The following ZFPM1 variants were observed in gnomAD, a reference collection of about 807,000 sequenced individuals.
ZFPM1 encodes the protein zinc finger protein, FOG family member 1.
ZFPM1 carries 28 observed loss-of-function variants against 46.3 expected under a neutral mutation model. That is an observed-to-expected ratio of 0.60 (90% CI 0.45 to 0.83). ZFPM1 has a LOEUF of 0.83. ZFPM1 is among the 40% of genes least tolerant of loss of function. The probability of loss-of-function intolerance (pLI) is 0.00; values close to 1 mark genes in which losing one functional copy is unlikely to be tolerated. For missense variants in ZFPM1, 1,878 were observed against 1,432.4 expected (o/e 1.31, Z -5.02); for synonymous variants, 957 against 675.9 (o/e 1.42, Z -6.45).
In ZFPM1 at chr16:88,497,900, G is replaced by A. The variant is rs193220618; in HGVS notation, c.268+8747G>A. Among the ~76,000 whole-genome samples, 104 of 152,328 alleles carry A rather than the reference G, an allele frequency of 6.8e-4. No homozygotes were observed. Among genetic ancestry groups the A allele is most frequent in the Middle Eastern group, 3.4e-3 (1 of 294 alleles). ...TACGCAAACCTCAAGGCCTGCTATC[G>A]GGTGGAGGCTGAGGCGGGGGCCCGG... On this transcript the variant is annotated intron_variant, in intron 3 of 9. Coordinates refer to ENST00000319555, the MANE Select transcript of ZFPM1 (RefSeq NM_153813.3). The surrounding 1 kb of genome is among the most constrained non-coding windows in gnomAD (Gnocchi z 5.4).
At position 88,497,277 on chromosome 16, in the gene ZFPM1, C is replaced by G. The variant is rs1195325669; in HGVS notation, c.268+8124C>G. ...TGGACGGCCCCAGCCCCAGCCCCAG[C>G]CCCAGCCCCATTCCAAGGTGTGACA... is the stretch of plus-strand genomic sequence containing the variant. On this transcript the variant is annotated intron_variant, in intron 3 of 9. Transcript: ENST00000319555. This position sits in a 1 kb window ranked among gnomAD's most constrained non-coding sequence, Gnocchi z 5.4. 6.6e-6 allele frequency among the ~76,000 whole-genome samples: 1 copy of G among 152,104 alleles called. No individual in the cohort carries two copies. The highest frequency in any genetic ancestry group is 1.5e-5 in the Non-Finnish European group (1 of 68,008).
Position 88,471,266 on chromosome 16 carries a change from G to A in ZFPM1, c.41-14673G>A, listed in dbSNP as rs1242798541. Among the ~76,000 whole-genome samples, 2 of 152,246 alleles carry A rather than the reference G, an allele frequency of 1.3e-5. No individual in the cohort carries two copies. Among genetic ancestry groups the A allele is most frequent in the East Asian group, 3.9e-4 (2 of 5,192 alleles). On this transcript the variant is annotated intron_variant, in intron 1 of 9. Transcript: ENST00000319555. This position sits in a 1 kb window ranked among gnomAD's most constrained non-coding sequence, Gnocchi z 4.1. ...GCTGACCCTCCAGGGCTGCAGCCAT[G>A]TGTGACCTCCACCCTCGCGAAGGCC...
chr16:88,453,559 GCCCCGCCGCGC>G lies in ZFPM1; in HGVS notation c.-70_-60del, dbSNP rs1156886235. On this transcript the variant is annotated 5_prime_UTR_variant, in exon 1 of 10. An upstream open reading frame in the 5' UTR loses its in-frame stop. Coordinates refer to ENST00000319555, the MANE Select transcript of ZFPM1 (RefSeq NM_153813.3). ...GGCCGGGGGCATGAGCGGCCCCGCG[GCCCCGCCGCGC>G]CCCCGCCGCCCGCCGCCGCCCGCCC... The G allele has an allele frequency of 1.3e-5, 10 of 771,894 alleles. No homozygotes were observed. Among genetic ancestry groups the G allele is most frequent in the Non-Finnish European group, 1.6e-5 (10 of 638,264 alleles). 47.8% of individuals were successfully genotyped at this position (771,894 alleles called of 1,614,324 possible). A position where few individuals can be genotyped will look rare whatever the true frequency, so the allele number is the denominator to read the frequency against.
Position 88,533,860 on chromosome 16 carries a change from G to A in ZFPM1, c.1902G>A (p.Ala634=). 3 of 983,842 alleles carry A rather than the reference G, an allele frequency of 3.0e-6. No individual in the cohort carries two copies. Among genetic ancestry groups the A allele is most frequent in the Non-Finnish European group, 3.6e-6 (3 of 831,238 alleles). 60.9% of individuals were successfully genotyped at this position (983,842 alleles called of 1,614,324 possible). A position where few individuals can be genotyped will look rare whatever the true frequency, so the allele number is the denominator to read the frequency against. The change falls in exon 10 of 10, where the codon GCG becomes GCA. Residue 634 remains alanine, a synonymous_variant. Coordinates refer to ENST00000319555, the MANE Select transcript of ZFPM1 (RefSeq NM_153813.3). The part of the protein sequence containing the change: ...APPGQPAEPD[A]PRSSPGPGAR... ...CCGGCCAGCCCGCCGAACCCGACGC[G>A]CCGCGCTCGTCCCCGGGCCCCGGAG...
intron 1 of ZFPM1, among the ~76,000 whole-genome samples, chr16:88,478,080 C>T (rs369060473): frequency 6.6e-5 from 10 of 152,286 alleles, no homozygotes; most frequent in South Asian, 4.2e-4. Flanking sequence ...TTGGTGGAGC[C>T]GCTCAACCGC....
intron 1 of ZFPM1, among the ~76,000 whole-genome samples, chr16:88,459,162 G>A (rs1339782870): frequency 6.6e-6 from 1 of 152,166 alleles, no homozygotes; most frequent in African/African-American, 2.4e-5. Flanking sequence ...TCCTTCAGAG[G>A]CCCTGTCCAC....
intron 3 of ZFPM1, among the ~76,000 whole-genome samples, chr16:88,510,866 T>C (rs1272163703): frequency 1.3e-5 from 2 of 152,046 alleles, no homozygotes; most frequent in Non-Finnish European, 2.9e-5. Flanking sequence ...GAGGAGTAAC[T>C]TGAGCACAGC....
At chr16:88,526,462 C>A (rs1026065564) in intron 4 of ZFPM1, among the ~76,000 whole-genome samples, 1 of 152,134 alleles carries the variant, frequency 6.6e-6, no homozygotes, top group Non-Finnish European at 1.5e-5. Flanking sequence ...CACAGATACG[C>A]AGACCCGGGT....
At position 88,533,369 on chromosome 16, in the gene ZFPM1, G is replaced by C. The variant is rs1425277087; in HGVS notation, c.1411G>C (p.Glu471Gln). The change falls in exon 10 of 10, where the codon GAG becomes CAG. Residue 471 changes from glutamate to glutamine, a missense_variant. By Grantham distance (29) the Glu-to-Gln change is conservative. Transcript: ENST00000319555. ...CAAGGTGGAGGCGGTGGAGGAGCCG[G>C]AGGCGGCCCCCATCCTGGGCCCCGG... ...SIKVEAVEEP[E>Q]AAPILGPGEP... 18 of 1,529,770 alleles carry C rather than the reference G, an allele frequency of 1.2e-5. No individual in the cohort carries two copies. The highest frequency in any genetic ancestry group is 2.5e-5 in the East Asian group (1 of 39,914). 94.8% of individuals were successfully genotyped at this position (1,529,770 alleles called of 1,614,324 possible).
intron 2 of ZFPM1, among the ~76,000 whole-genome samples, chr16:88,487,464 G>A (rs1909295691): frequency 6.6e-6 from 1 of 152,198 alleles, no homozygotes; most frequent in Admixed American, 6.5e-5. Flanking sequence ...GGATGCGTGG[G>A]GCTGCCCCTG....
At chr16:88,505,898 G>A (rs113013548) in intron 3 of ZFPM1, among the ~76,000 whole-genome samples, 5,422 of 152,150 alleles carry the variant, frequency 0.036, 162 homozygotes, top group Non-Finnish European at 0.053. Flanking sequence ...TTCCAACCAC[G>A]TGCTCACCCC....
chr16:88,460,337 G>T (rs908837190), intron 1 of ZFPM1, among the ~76,000 whole-genome samples: 8 of 152,286 alleles, frequency 5.3e-5, no homozygotes, highest in African/African-American at 1.7e-4. Context: ...GAGGAGTGGG[G>T]TTCTTCACAG....
At position 88,470,950 on chromosome 16, in the gene ZFPM1, G is replaced by A. The variant is rs909976668; in HGVS notation, c.41-14989G>A. On this transcript the variant is annotated intron_variant, in intron 1 of 9. Transcript: ENST00000319555. Reference sequence around the variant, plus strand: ...GGGATGAGGTCGTCCAGGAAGGGGCGGGAGACGCAGCGTGACGCACTGACC... The same window carrying A: ...GGGATGAGGTCGTCCAGGAAGGGGCAGGAGACGCAGCGTGACGCACTGACC... Among the ~76,000 whole-genome samples the A allele has an allele frequency of 1.2e-4, 18 of 152,186 alleles. 1 individual carries two copies. Among genetic ancestry groups the A allele is most frequent in the African/African-American group, 3.4e-4 (14 of 41,498 alleles).
At chr16:88,467,205 C>A (rs930944151) in intron 1 of ZFPM1, among the ~76,000 whole-genome samples, 3 of 152,158 alleles carry the variant, frequency 2.0e-5, no homozygotes, top group Non-Finnish European at 4.4e-5. Context: ...AAGAGTCTAC[C>A]CCTTGTCAGT....
intron 4 of ZFPM1, among the ~76,000 whole-genome samples, chr16:88,523,596 C>T (rs1364685481): frequency 6.6e-6 from 1 of 152,220 alleles, no homozygotes; most frequent in East Asian, 1.9e-4. Flanking sequence ...CTGTGCTCAC[C>T]TGTCCCCTGA....
chr16:88,451,844 G>A (rs183381282), upstream of ZFPM1, among the ~76,000 whole-genome samples: 556 of 152,166 alleles, frequency 3.7e-3, 2 homozygotes, highest in Middle Eastern at 6.8e-3. Flanking sequence ...CAGTGTTCCT[G>A]TCTGTCCATG....
intron 1 of ZFPM1, among the ~76,000 whole-genome samples, chr16:88,463,702 G>A (rs1213718710): frequency 2.6e-5 from 4 of 152,268 alleles, no homozygotes; most frequent in African/African-American, 9.6e-5. Context: ...AGGAGGGAAC[G>A]AGAGGAGGGC....
intron 1 of ZFPM1, among the ~76,000 whole-genome samples, chr16:88,461,589 T>A (rs941390603): frequency 3.9e-5 from 6 of 152,146 alleles, no homozygotes; most frequent in Admixed American, 2.6e-4. Flanking sequence ...TGGGAAGGGC[T>A]GTCCTAGGGA....
At chr16:88,470,460 G>A (rs943623754) in intron 1 of ZFPM1, among the ~76,000 whole-genome samples, 4 of 152,250 alleles carry the variant, frequency 2.6e-5, no homozygotes, top group Admixed American at 2.6e-4. Context: ...CACTGGGGAG[G>A]CTGTTGTTGG....
Sources: gnomAD v4.1 joint callset for allele counts (sites outside exome capture counted in the v4.1 genomes callset) on GRCh38, gnomAD v4.1.1 for gene constraint, Gnocchi (gnomAD v3.1) non-coding constraint, MANE v1.5 for transcripts, NCBI Gene and HGNC (gene_info 2026-07-23, HGNC 2026-07-21) for gene names.